GABRG3: variants seen among roughly 807,000 people sequenced by gnomAD.
GABRG3 encodes gamma-aminobutyric acid type A receptor subunit gamma3, also known as gamma-aminobutyric acid receptor subunit gamma-3.
Under a neutral mutation model 48.8 loss-of-function variants are expected in GABRG3, and 25 were observed. The ratio of observed to expected loss-of-function variants is 0.51; its 90% CI spans 0.37 to 0.72. The LOEUF (loss-of-function observed/expected upper bound fraction) is 0.72, where lower values mean the gene tolerates loss of function less well. GABRG3 is among the 30% of genes least tolerant of loss of function. GABRG3 has a pLI of 0.00. For synonymous variants in GABRG3, 227 were observed against 217.6 expected, an observed-to-expected ratio of 1.04 and a Z score of -0.38; for missense variants, 394 against 577.9, an observed-to-expected ratio of 0.68 and a Z score of 3.26.
chr15:27,351,457 GTT>G (rs1353107973), intron 5 of GABRG3, among the ~76,000 whole-genome samples: 1 of 144,938 alleles, frequency 6.9e-6, no homozygotes, highest in Non-Finnish European at 1.5e-5. Flanking sequence ...TGGTGTGTGT[GTT>G]TGTGTGTGTA....
At chr15:27,290,074 G>A (rs2140485819) in intron 3 of GABRG3, among the ~76,000 whole-genome samples, 1 of 152,220 alleles carries the variant, frequency 6.6e-6, no homozygotes, top group Admixed American at 6.5e-5. Context: ...CAGAAAGCAA[G>A]GACATGCTAA....
At chr15:27,066,776 T>C (rs553805493) in intron 3 of GABRG3, among the ~76,000 whole-genome samples, 1 of 152,304 alleles carries the variant, frequency 6.6e-6, no homozygotes, top group East Asian at 1.9e-4. Flanking sequence ...ATTTGCATGC[T>C]TCCAGAATAA....
chr15:27,225,079 G>T (rs534326634), intron 3 of GABRG3, among the ~76,000 whole-genome samples: 79 of 152,204 alleles, frequency 5.2e-4, no homozygotes, highest in Admixed American at 1.2e-3. Context: ...TTCCTCCAGG[G>T]TGTGGTCATC....
At chr15:27,196,887 A>G (rs1888513063) in intron 3 of GABRG3, among the ~76,000 whole-genome samples, 1 of 152,246 alleles carries the variant, frequency 6.6e-6, no homozygotes, top group Non-Finnish European at 1.5e-5. Context: ...CACAGTGAGC[A>G]TTCAGTAGGT....
intron 3 of GABRG3, among the ~76,000 whole-genome samples, chr15:27,288,945 C>T (rs998142449): frequency 8.5e-5 from 13 of 152,224 alleles, no homozygotes; most frequent in South Asian, 2.1e-4. Context: ...GTATTCACTG[C>T]GTATAGAATT....
At chr15:27,336,605 A>G (rs1411725138) in intron 5 of GABRG3, among the ~76,000 whole-genome samples, 1 of 152,210 alleles carries the variant, frequency 6.6e-6, no homozygotes, top group Non-Finnish European at 1.5e-5. Flanking sequence ...ATAGTACAGA[A>G]GTGTCTTATA....
chr15:27,393,770 T>A (rs139137806), intron 5 of GABRG3, among the ~76,000 whole-genome samples: 3 of 152,318 alleles, frequency 2.0e-5, no homozygotes, highest in Non-Finnish European at 2.9e-5. Flanking sequence ...GAGCATATAC[T>A]ATGGAGTGGC....
At chr15:27,357,101 T>C (rs1266980699) in intron 5 of GABRG3, among the ~76,000 whole-genome samples, 1 of 152,212 alleles carries the variant, frequency 6.6e-6, no homozygotes. Flanking sequence ...TGCATTGGGC[T>C]GCACTCCAAT....
intron 5 of GABRG3, among the ~76,000 whole-genome samples, chr15:27,380,358 C>T (rs1895728631): frequency 3.3e-5 from 5 of 151,936 alleles, no homozygotes; most frequent in Admixed American, 3.3e-4. Flanking sequence ...CTGATAATCC[C>T]AACATCTCTG....
intron 3 of GABRG3, among the ~76,000 whole-genome samples, chr15:27,147,963 A>G (rs1389756383): frequency 6.6e-6 from 1 of 151,988 alleles, no homozygotes; most frequent in Non-Finnish European, 1.5e-5. Context: ...AATAATAAAA[A>G]TTACATGAGA....
intron 5 of GABRG3, among the ~76,000 whole-genome samples, chr15:27,406,692 A>C (rs953599769): frequency 6.6e-6 from 1 of 152,184 alleles, no homozygotes; most frequent in Non-Finnish European, 1.5e-5. Flanking sequence ...AGATAATCGT[A>C]GTGGGATCCA....
intron 3 of GABRG3, among the ~76,000 whole-genome samples, chr15:27,321,878 TA>T (rs777560645): frequency 6.6e-5 from 10 of 152,266 alleles, no homozygotes; most frequent in Non-Finnish European, 1.5e-4. Flanking sequence ...TCTGTTTTCT[TA>T]AAATGATCCG....
chr15:27,462,510 A>G (rs1889480476), intron 5 of GABRG3, among the ~76,000 whole-genome samples: 1 of 152,242 alleles, frequency 6.6e-6, no homozygotes. Context: ...TATTCTGTGT[A>G]TATTATTTCA....
At chr15:27,350,455 G>C in intron 5 of GABRG3, 1 of 324,370 alleles carries the variant, frequency 3.1e-6, no homozygotes, top group South Asian at 2.6e-5. Flanking sequence ...AATAAAAATG[G>C]ACACATTCAG....
chr15:26,971,703 C>T (rs958198334), intron 1 of GABRG3, 115 bp downstream of exon 1: 72 of 1,226,032 alleles, frequency 5.9e-5, no homozygotes, highest in Non-Finnish European at 7.3e-5. Context: ...TGCGGCACGG[C>T]GGGCCGGGAG....
chr15:26,987,314 G>A (rs1282900391), intron 2 of GABRG3, among the ~76,000 whole-genome samples: 2 of 152,184 alleles, frequency 1.3e-5, no homozygotes, highest in African/African-American at 4.8e-5. Context: ...TATGAGTACC[G>A]GAATAGAGCC....
In GABRG3 at chr15:27,502,153, G is replaced by A. The variant is rs150256203; in HGVS notation, c.713-17819G>A. Among the ~76,000 whole-genome samples, 621 of 152,262 alleles carry A rather than the reference G, an allele frequency of 4.1e-3. 9 individuals carry two copies. Among genetic ancestry groups the A allele is most frequent in the African/African-American group, 0.014 (586 of 41,534 alleles). On this transcript the variant is annotated intron_variant, in intron 6 of 9. Transcript: ENST00000615808. Reference sequence around the variant, plus strand: ...CAAAGAAGCTAATCAAATTTAACATGAAGTCTAAATTACAACCATGGATCA... The same window carrying A: ...CAAAGAAGCTAATCAAATTTAACATAAAGTCTAAATTACAACCATGGATCA...
At chr15:27,376,071 T>C (rs1042975520) in intron 5 of GABRG3, among the ~76,000 whole-genome samples, 3 of 152,162 alleles carry the variant, frequency 2.0e-5, no homozygotes, top group African/African-American at 7.2e-5. Context: ...ATGGTAGAAA[T>C]TGGCCAAAAC....
At chr15:27,348,155 C>CAAAAAAAAAAAAAAAA (rs535295684) in intron 5 of GABRG3, among the ~76,000 whole-genome samples, 14,975 of 101,582 alleles carry the variant, frequency 0.15, 2,277 homozygotes, top group Middle Eastern at 0.23. Context: ...GACTCCATCT[C>CAAAAAAAAAAAAAAAA]AAATAAATAA....
Sources: gnomAD v4.1 joint callset for allele counts (sites outside exome capture counted in the v4.1 genomes callset) on GRCh38, gnomAD v4.1.1 for gene constraint, MANE v1.5 for transcripts, NCBI Gene and HGNC (gene_info 2026-07-23, HGNC 2026-07-21) for gene names.